GRIN2B: variants seen among roughly 807,000 people sequenced by gnomAD.
GRIN2B encodes the protein glutamate receptor ionotropic, NMDA 2B.
In GRIN2B, 5 loss-of-function variants were observed where a neutral mutation model predicts 114.5. The observed-to-expected ratio is 0.04, with a 90% confidence interval of 0.02 to 0.09. GRIN2B has a LOEUF of 0.09. Ranked by LOEUF, GRIN2B falls within the 10% of genes least tolerant of loss-of-function variation. GRIN2B has a pLI of 1.00. For synonymous variants in GRIN2B, 787 were observed against 745.1 expected, an observed-to-expected ratio of 1.06 and a Z score of -0.92; for missense variants, 1,108 against 1,943.5, an observed-to-expected ratio of 0.57 and a Z score of 8.08.
chr12:13,829,247 A>G (rs2136701225), intron 3 of GRIN2B, among the ~76,000 whole-genome samples: 1 of 152,334 alleles, frequency 6.6e-6, no homozygotes, highest in African/African-American at 2.4e-5. Context: ...GTCTAAAATA[A>G]TTGTTTATTG....
At chr12:13,566,864 G>A (rs1948647471) in intron 13 of GRIN2B, among the ~76,000 whole-genome samples, 161 bp downstream of exon 13, 1 of 152,192 alleles carries the variant, frequency 6.6e-6, no homozygotes, top group African/African-American at 2.4e-5. Context: ...TGAGCCACTT[G>A]CAATCATATC....
At chr12:13,928,302 CAAA>C (rs745858482) in intron 2 of GRIN2B, among the ~76,000 whole-genome samples, 6 of 88,028 alleles carry the variant, frequency 6.8e-5, no homozygotes, top group Admixed American at 1.2e-4. Flanking sequence ...GACTTCATCT[CAAA>C]AAAAAAAAAA....
intron 2 of GRIN2B, among the ~76,000 whole-genome samples, chr12:13,936,065 G>A (rs1382563302): frequency 1.3e-5 from 2 of 152,136 alleles, no homozygotes; most frequent in Non-Finnish European, 2.9e-5. Flanking sequence ...CTGCAGGGTG[G>A]ATTATTAGAG....
chr12:13,699,271 A>C (rs1183057810), intron 4 of GRIN2B, among the ~76,000 whole-genome samples: 1 of 152,170 alleles, frequency 6.6e-6, no homozygotes, highest in Non-Finnish European at 1.5e-5. Flanking sequence ...CCTGCAGTGC[A>C]TTGTTGTGCT....
At chr12:13,744,570 C>A (rs1863342545) in intron 4 of GRIN2B, among the ~76,000 whole-genome samples, 1 of 152,082 alleles carries the variant, frequency 6.6e-6, no homozygotes, top group Middle Eastern at 3.4e-3. Context: ...AAGAAAGAGA[C>A]AGAAAAGAAT....
intron 2 of GRIN2B, among the ~76,000 whole-genome samples, chr12:13,949,172 C>T (rs1245235835): frequency 1.3e-5 from 2 of 152,102 alleles, no homozygotes; most frequent in African/African-American, 4.8e-5. Context: ...GCCTGAAGAA[C>T]CCATAGTTCC....
chr12:13,751,447 G>A (rs1298027280), intron 4 of GRIN2B, among the ~76,000 whole-genome samples: 2 of 152,222 alleles, frequency 1.3e-5, no homozygotes, highest in Admixed American at 6.5e-5. Context: ...GGACTGGGAT[G>A]TTGTAGGAGA....
chr12:13,710,539 T>C (rs1297995770), intron 4 of GRIN2B, among the ~76,000 whole-genome samples: 1 of 152,080 alleles, frequency 6.6e-6, no homozygotes, highest in African/African-American at 2.4e-5. Context: ...AGTCTCAGGA[T>C]ACAAAATCAA....
At chr12:13,868,455 TAC>T (rs71436778) in intron 2 of GRIN2B, among the ~76,000 whole-genome samples, 269 of 148,050 alleles carry the variant, frequency 1.8e-3, no homozygotes, top group Middle Eastern at 3.5e-3. Flanking sequence ...GTGGACAAAG[TAC>T]ACACACACAC....
chr12:13,907,415 G>C (rs1244332435), intron 2 of GRIN2B, among the ~76,000 whole-genome samples: 1 of 151,628 alleles, frequency 6.6e-6, no homozygotes. Context: ...GCTTGAGACC[G>C]TGAGGCAGAG....
chr12:13,919,544 GT>G (rs1000009308), intron 2 of GRIN2B, among the ~76,000 whole-genome samples: 6 of 151,986 alleles, frequency 3.9e-5, no homozygotes, highest in Non-Finnish European at 7.4e-5. Flanking sequence ...ATGGCTTTTT[GT>G]TTTTTTCTTA....
At chr12:13,599,691 C>G (rs9788024) in intron 10 of GRIN2B, among the ~76,000 whole-genome samples, 151,326 of 152,364 alleles carry the variant, frequency 0.99, 75,153 homozygotes, top group Middle Eastern at 1. Flanking sequence ...ACTAAACTTT[C>G]GAACAAAGCA....
intron 2 of GRIN2B, among the ~76,000 whole-genome samples, chr12:13,939,093 A>AC (rs1867184592): frequency 6.6e-6 from 1 of 152,208 alleles, no homozygotes; most frequent in African/African-American, 2.4e-5. Flanking sequence ...TCTTTGAATT[A>AC]CCATCCAATA....
At chr12:13,750,880 T>C (rs1228924257) in intron 4 of GRIN2B, among the ~76,000 whole-genome samples, 1 of 152,148 alleles carries the variant, frequency 6.6e-6, no homozygotes, top group Non-Finnish European at 1.5e-5. Flanking sequence ...CAGCATGCAA[T>C]TGCCACAGTT....
chr12:13,603,809 G>A (rs1026184709), intron 10 of GRIN2B, among the ~76,000 whole-genome samples: 27 of 151,802 alleles, frequency 1.8e-4, no homozygotes, highest in African/African-American at 5.3e-4. Context: ...GAAGCACCCT[G>A]GCAGAGTGAT....
intron 5 of GRIN2B, among the ~76,000 whole-genome samples, chr12:13,621,536 C>T (rs779028864): frequency 6.7e-6 from 1 of 150,280 alleles, no homozygotes; most frequent in Non-Finnish European, 1.5e-5. Flanking sequence ...CAGTTATCTG[C>T]CATTCTAACA....
At chr12:13,709,515 A>G (rs1184370451) in intron 4 of GRIN2B, among the ~76,000 whole-genome samples, 2 of 152,048 alleles carry the variant, frequency 1.3e-5, no homozygotes, top group Non-Finnish European at 2.9e-5. Flanking sequence ...AAATGAAACA[A>G]TATAATGGTT....
In GRIN2B at chr12:13,739,179, G is replaced by A. The variant is rs61912104; in HGVS notation, c.1010+14138C>T. On this transcript the variant is annotated intron_variant, in intron 4 of 13. Coordinates refer to ENST00000609686, the MANE Select transcript of GRIN2B (RefSeq NM_000834.5). Reference sequence around the variant, plus strand: ...GCAGATCACCTGAGGTCAGGAGTTCGAGACCAGCCTAACCAACATGGAAAA... The same window carrying A: ...GCAGATCACCTGAGGTCAGGAGTTCAAGACCAGCCTAACCAACATGGAAAA... Among the ~76,000 whole-genome samples the A allele has an allele frequency of 8.8e-3, 1,336 of 151,940 alleles. 15 individuals are homozygous for A. Among genetic ancestry groups the A allele is most frequent in the South Asian group, 0.019 (91 of 4,794 alleles).
intron 4 of GRIN2B, among the ~76,000 whole-genome samples, chr12:13,696,386 C>T (rs915719220): frequency 1.2e-4 from 18 of 152,152 alleles, no homozygotes; most frequent in Non-Finnish European, 2.6e-4. Flanking sequence ...TCAGCCTTCT[C>T]AAAATCACCA....
Sources: gnomAD v4.1 joint callset for allele counts (sites outside exome capture counted in the v4.1 genomes callset) on GRCh38, gnomAD v4.1.1 for gene constraint, MANE v1.5 for transcripts, NCBI Gene and HGNC (gene_info 2026-07-23, HGNC 2026-07-21) for gene names.